Variants in IFNGR2 observed in about 807,000 individuals in gnomAD.
IFNGR2 encodes interferon gamma receptor 2.
A neutral mutation model predicts 41.1 loss-of-function variants in IFNGR2; 15 were observed. That is an observed-to-expected ratio of 0.37 (90% CI 0.24 to 0.56). The LOEUF (loss-of-function observed/expected upper bound fraction) is 0.56. Ranked by LOEUF, IFNGR2 falls within the 20% of genes least tolerant of loss-of-function variation. The pLI is 0.81. For synonymous variants in IFNGR2, 161 were observed against 171.6 expected (o/e 0.94, Z 0.48); for missense variants, 362 against 415.7 (o/e 0.87, Z 1.12).
chr21:33,408,377 G>A (rs533200328), intron 1 of IFNGR2, among the ~76,000 whole-genome samples: 66 of 152,104 alleles, frequency 4.3e-4, no homozygotes, highest in African/African-American at 1.4e-3. Flanking sequence ...TGTATTTTTA[G>A]TAGAGACAGG....
In IFNGR2 at chr21:33,423,164, C is replaced by T. The variant is rs537919427; in HGVS notation, c.412+1479C>T. ...ACGCCATTCTCCTGCCTCAGCCTCC[C>T]GAGTAGCTGGGACTACAGGCGCCCG... On this transcript the variant is annotated intron_variant, in intron 3 of 6. Transcript: ENST00000290219. 9.8e-4 allele frequency among the ~76,000 whole-genome samples: 147 copies of T among 150,716 alleles called. 2 individuals are homozygous for T. Among genetic ancestry groups the T allele is most frequent in the African/African-American group, 3.3e-3 (136 of 41,096 alleles).
chr21:33,408,049 T>C (rs1263751261), intron 1 of IFNGR2, among the ~76,000 whole-genome samples: 1 of 152,114 alleles, frequency 6.6e-6, no homozygotes, highest in Non-Finnish European at 1.5e-5. Flanking sequence ...TTCATCATAA[T>C]GTCCCCGCCC....
chr21:33,406,648 CTTTTTTTT>C (rs35138843), intron 1 of IFNGR2, among the ~76,000 whole-genome samples: 3 of 131,860 alleles, frequency 2.3e-5, no homozygotes, highest in Non-Finnish European at 3.2e-5. Flanking sequence ...GTGTTGGAAA[CTTTTTTTT>C]TTTTTTTTTG....
intron 6 of IFNGR2, among the ~76,000 whole-genome samples, chr21:33,435,350 C>T (rs956899845): frequency 3.3e-5 from 5 of 152,136 alleles, no homozygotes; most frequent in African/African-American, 1.2e-4. Context: ...CAAGAGCCCC[C>T]AGTCCCTCCT....
chr21:33,419,897 A>G (rs1040135681), intron 2 of IFNGR2, among the ~76,000 whole-genome samples: 4 of 152,154 alleles, frequency 2.6e-5, no homozygotes, highest in African/African-American at 9.7e-5. Context: ...AGAGCCGTGC[A>G]TGTTGCTCTT....
At chr21:33,420,203 T>A (rs986866264) in intron 2 of IFNGR2, among the ~76,000 whole-genome samples, 1 of 152,146 alleles carries the variant, frequency 6.6e-6, no homozygotes, top group Non-Finnish European at 1.5e-5. Context: ...TAGAAGCATG[T>A]GTGGTACGTG....
intron 1 of IFNGR2, among the ~76,000 whole-genome samples, chr21:33,403,876 G>C (rs945712937): frequency 6.6e-6 from 1 of 152,160 alleles, no homozygotes; most frequent in Non-Finnish European, 1.5e-5. Context: ...GGGATGGGCG[G>C]CCAGGAGTTC....
intron 4 of IFNGR2, among the ~76,000 whole-genome samples, chr21:33,428,231 T>G (rs1375858401): frequency 6.6e-6 from 1 of 150,452 alleles, no homozygotes; most frequent in African/African-American, 2.5e-5. Flanking sequence ...TTTTTAATTA[T>G]TGTTCTTTTT....
At chr21:33,424,692 C>A (rs1339064774) in intron 3 of IFNGR2, among the ~76,000 whole-genome samples, 3 of 152,170 alleles carry the variant, frequency 2.0e-5, no homozygotes, top group African/African-American at 7.2e-5. Context: ...AGTGTCACCT[C>A]CTGGCTTCCG....
At position 33,430,012 on chromosome 21, in the gene IFNGR2, A is replaced by C. The variant is rs533681316; in HGVS notation, c.562-2165A>C. On this transcript the variant is annotated intron_variant, in intron 4 of 6. Coordinates refer to ENST00000290219, the MANE Select transcript of IFNGR2 (RefSeq NM_005534.4). Reference sequence around the variant, plus strand: ...AAATTAGCCAGGCGTGGTGGTGGGCACCTGTGATCCCAGTTACTCAGGAGG... The same window carrying C: ...AAATTAGCCAGGCGTGGTGGTGGGCCCCTGTGATCCCAGTTACTCAGGAGG... 2.0e-5 allele frequency among the ~76,000 whole-genome samples: 3 copies of C among 152,250 alleles called. No homozygotes were observed. The East Asian group carries it at 5.8e-4, about 29-fold the overall frequency.
intron 3 of IFNGR2, among the ~76,000 whole-genome samples, chr21:33,424,257 C>T (rs545648081): frequency 6.6e-6 from 1 of 151,806 alleles, no homozygotes; most frequent in African/African-American, 2.4e-5. Context: ...GCCAAGATGA[C>T]ACCATTGCAC....
Position 33,436,765 on chromosome 21 carries a change from T to C in IFNGR2, c.880-63T>C. On this transcript the variant is annotated intron_variant, in intron 6 of 6. Transcript: ENST00000290219. ...AATAAAATAAAAACAAAAACTAAAG[T>C]TAAAAGGTCTGGTATACTGAACTGG... The C allele has an allele frequency of 1.5e-6, 2 of 1,330,898 alleles. 1 individual carries two copies. The highest frequency in any genetic ancestry group is 2.6e-5 in the South Asian group (2 of 76,720). 82.4% of individuals were successfully genotyped at this position (1,330,898 alleles called of 1,614,324 possible). A position where few individuals can be genotyped will look rare whatever the true frequency, so the allele number is the denominator to read the frequency against.
intron 1 of IFNGR2, among the ~76,000 whole-genome samples, chr21:33,411,939 C>T (rs748807685): frequency 1.3e-5 from 2 of 152,154 alleles, no homozygotes; most frequent in African/African-American, 2.4e-5. Flanking sequence ...GGGGGGATCT[C>T]GCTATGTTGG....
chr21:33,416,296 GCTAA>G (rs2083752588), intron 2 of IFNGR2, among the ~76,000 whole-genome samples: 1 of 152,200 alleles, frequency 6.6e-6, no homozygotes, highest in South Asian at 2.1e-4. Flanking sequence ...ATTTTAGCCT[GCTAA>G]CTTACGCTTG....
At chr21:33,404,389 A>G (rs2284553) in intron 1 of IFNGR2, among the ~76,000 whole-genome samples, 103,971 of 152,132 alleles carry the variant, frequency 0.68, 36,839 homozygotes, top group African/African-American at 0.89. Flanking sequence ...TCCGGGTCCC[A>G]TCAGTGTTGG....
At chr21:33,424,052 G>A (rs1047167122) in intron 3 of IFNGR2, among the ~76,000 whole-genome samples, 2 of 152,116 alleles carry the variant, frequency 1.3e-5, no homozygotes, top group Non-Finnish European at 2.9e-5. Flanking sequence ...TGCAATCCCA[G>A]CACTTTGGGA....
chr21:33,426,626 A>G (rs1374906643), intron 3 of IFNGR2, among the ~76,000 whole-genome samples: 1 of 152,018 alleles, frequency 6.6e-6, no homozygotes, highest in Non-Finnish European at 1.5e-5. Context: ...AGGCTGATGC[A>G]AGAGAATTGC....
chr21:33,432,112 C>T (rs2083894016), intron 4 of IFNGR2, 65 bp from the exon 5 acceptor site: 2 of 1,426,942 alleles, frequency 1.4e-6, no homozygotes, highest in South Asian at 1.1e-5. Flanking sequence ...GAGGAAACAT[C>T]AGAAAAGATG....
intron 6 of IFNGR2, among the ~76,000 whole-genome samples, chr21:33,435,537 C>T (rs1490985746): frequency 6.6e-6 from 1 of 152,138 alleles, no homozygotes; most frequent in African/African-American, 2.4e-5. Context: ...ATGGTCAGCC[C>T]TGGGATGAGT....
Sources: gnomAD v4.1 joint callset for allele counts (sites outside exome capture counted in the v4.1 genomes callset) on GRCh38, gnomAD v4.1.1 for gene constraint, MANE v1.5 for transcripts, NCBI Gene and HGNC (gene_info 2026-07-23, HGNC 2026-07-21) for gene names.